Variants in COL21A1 observed in about 807,000 individuals in gnomAD.
COL21A1 encodes collagen alpha-1(XXI) chain.
In COL21A1, 149 loss-of-function variants were observed where a neutral mutation model predicts 137.9. That is an observed-to-expected ratio of 1.08 (90% CI 0.95 to 1.24). The LOEUF (loss-of-function observed/expected upper bound fraction) is 1.24. COL21A1 is among the 50% of genes most tolerant of loss of function. The pLI is 0.00. For missense variants in COL21A1, 1,167 were observed against 1,158.4 expected (o/e 1.01, Z -0.11); for synonymous variants, 456 against 391.5 (o/e 1.16, Z -1.95).
At chr6:56,061,300 C>G in intron 25 of COL21A1, 1 of 489,196 alleles carries the variant, frequency 2.0e-6, no homozygotes, top group Non-Finnish European at 3.6e-6. Flanking sequence ...ACGCATACTG[C>G]CAGAGATAAA....
chr6:56,300,269 G>A lies in COL21A1; in HGVS notation c.-39+93702C>T, dbSNP rs77882559. Among the ~76,000 whole-genome samples, 988 of 152,152 alleles carry A rather than the reference G, an allele frequency of 6.5e-3. 14 individuals carry two copies. Among genetic ancestry groups the A allele is most frequent in the African/African-American group, 0.023 (953 of 41,520 alleles). On this transcript the variant is annotated intron_variant, in intron 1 of 28. Coordinates refer to the COL21A1 transcript ENST00000370819. ...TAATCAGAGTAGAGGCTGGAAGTGG[G>A]GATAAGGAGTGGAGAGTGGAATTAG...
chr6:56,156,786 G>T, intron 10 of COL21A1, 101 bp downstream of exon 10: 3 of 954,874 alleles, frequency 3.1e-6, no homozygotes, highest in Non-Finnish European at 4.9e-6. Flanking sequence ...CAGCAGTCAT[G>T]AATAAAGCTT....
chr6:56,340,717 G>A (rs369866062), intron 1 of COL21A1, among the ~76,000 whole-genome samples: 4 of 152,050 alleles, frequency 2.6e-5, no homozygotes, highest in Non-Finnish European at 5.9e-5. Flanking sequence ...AATGAACGAC[G>A]TTTTCCAATA....
intron 1 of COL21A1, among the ~76,000 whole-genome samples, chr6:56,344,706 G>A (rs533111650): frequency 1.1e-4 from 17 of 150,774 alleles, no homozygotes; most frequent in Non-Finnish European, 2.4e-4. Context: ...AGGTGACTGG[G>A]TCATGGGGGC....
In COL21A1 at chr6:56,168,086, T is replaced by C. The variant is rs2152270498; in HGVS notation, c.1200+38A>G. On this transcript the variant is annotated intron_variant, in intron 6 of 29. Coordinates refer to ENST00000244728, the MANE Select transcript of COL21A1 (RefSeq NM_030820.4). ...ATTACAAAGGACAGCAAAAGTTTCA[T>C]TCTATATAATTCAAAGAGTAAATCA... is the stretch of plus-strand genomic sequence containing the variant. 3.0e-6 allele frequency: 4 copies of C among 1,330,154 alleles called. No homozygotes were observed. In the East Asian group the frequency reaches 7.7e-5, roughly 26 times the overall value. 82.4% of individuals were successfully genotyped at this position (1,330,154 alleles called of 1,614,324 possible). A position where few individuals can be genotyped will look rare whatever the true frequency, so the allele number is the denominator to read the frequency against.
chr6:56,238,860 T>C (rs1299524179), intron 1 of COL21A1, among the ~76,000 whole-genome samples: 1 of 152,198 alleles, frequency 6.6e-6, no homozygotes, highest in Non-Finnish European at 1.5e-5. Flanking sequence ...AAATTACTTA[T>C]GATAATAACT....
intron 1 of COL21A1, among the ~76,000 whole-genome samples, chr6:56,381,210 T>G (rs1207041093): frequency 2.0e-5 from 3 of 152,226 alleles, no homozygotes; most frequent in Non-Finnish European, 4.4e-5. Context: ...TTGCTTATTT[T>G]GGGGGCAAGA....
At chr6:56,096,153 T>TG (rs1210438431) in intron 17 of COL21A1, among the ~76,000 whole-genome samples, 2 of 151,076 alleles carry the variant, frequency 1.3e-5, no homozygotes, top group South Asian at 4.2e-4. Context: ...GGCCTGCATT[T>TG]TTTTTTTTTA....
At chr6:56,210,589 T>A (rs1780095044) in intron 1 of COL21A1, among the ~76,000 whole-genome samples, 1 of 152,278 alleles carries the variant, frequency 6.6e-6, no homozygotes, top group South Asian at 2.1e-4. Context: ...GTACTACATG[T>A]GAACCCACTG....
chr6:56,181,734 C>G (rs1482207256), intron 2 of COL21A1, among the ~76,000 whole-genome samples: 2 of 152,108 alleles, frequency 1.3e-5, no homozygotes, highest in East Asian at 3.8e-4. Context: ...AGGAATGGGA[C>G]TGAAGAGCAA....
chr6:56,252,353 G>A (rs1458663348), upstream of COL21A1, among the ~76,000 whole-genome samples: 2 of 152,166 alleles, frequency 1.3e-5, no homozygotes, highest in Non-Finnish European at 2.9e-5. Flanking sequence ...TGCATGTTAA[G>A]CTCCGTAACT....
intron 2 of COL21A1, among the ~76,000 whole-genome samples, chr6:56,181,374 A>T (rs1777875805): frequency 6.6e-6 from 1 of 151,752 alleles, no homozygotes; most frequent in Non-Finnish European, 1.5e-5. Context: ...TTAAAGGGTT[A>T]TGCTTTTATT....
intron 13 of COL21A1, 86 bp downstream of exon 13, chr6:56,126,010 T>G (rs997346295): frequency 1.1e-5 from 8 of 729,996 alleles, no homozygotes; most frequent in Non-Finnish European, 1.8e-5. Flanking sequence ...GAACATTTAT[T>G]TATAACATAT....
chr6:56,089,534 T>A (rs1205847284), intron 17 of COL21A1, among the ~76,000 whole-genome samples: 1 of 152,178 alleles, frequency 6.6e-6, no homozygotes, highest in Non-Finnish European at 1.5e-5. Context: ...TTTCACTATA[T>A]GTATTGAAAA....
At chr6:56,248,315 T>G (rs559734855), upstream of COL21A1, among the ~76,000 whole-genome samples, 48 of 152,238 alleles carry the variant, frequency 3.2e-4, no homozygotes, top group Non-Finnish European at 5.1e-4. Context: ...TCATCTCACT[T>G]GGCATTTCTT....
intron 12 of COL21A1, among the ~76,000 whole-genome samples, chr6:56,136,081 GTTAA>G (rs1561904880): frequency 6.6e-6 from 1 of 152,038 alleles, no homozygotes; most frequent in African/African-American, 2.4e-5. Flanking sequence ...ATTTGCTCTA[GTTAA>G]TTAAACATGA....
intron 1 of COL21A1, among the ~76,000 whole-genome samples, chr6:56,274,052 T>G (rs1009536153): frequency 1.3e-5 from 2 of 152,136 alleles, no homozygotes; most frequent in African/African-American, 2.4e-5. Flanking sequence ...TAGGCTTTAT[T>G]CTTGGGATGC....
At chr6:56,248,516 A>C (rs1439467498), upstream of COL21A1, among the ~76,000 whole-genome samples, 2 of 152,164 alleles carry the variant, frequency 1.3e-5, no homozygotes, top group Non-Finnish European at 2.9e-5. Context: ...TCATATCTTC[A>C]TTGCTTGTGT....
Position 56,207,935 on chromosome 6 carries a change from A to T in COL21A1, c.-38-25279T>A, listed in dbSNP as rs531804334. Among the ~76,000 whole-genome samples, 72 of 152,272 alleles carry T rather than the reference A, an allele frequency of 4.7e-4. 3 individuals carry two copies. The South Asian group carries it at 0.014, about 30-fold the overall frequency. Reference sequence around the variant, plus strand: ...GTAAACAGCACCAATGACAAAAATCATGATTATCTCAATAGATGCAGAAAA... The same window carrying T: ...GTAAACAGCACCAATGACAAAAATCTTGATTATCTCAATAGATGCAGAAAA... On this transcript the variant is annotated intron_variant, in intron 1 of 29. Coordinates refer to ENST00000244728, the MANE Select transcript of COL21A1 (RefSeq NM_030820.4).
Sources: allele counts gnomAD v4.1 joint callset (sites outside exome capture counted in the v4.1 genomes callset), GRCh38; gene constraint gnomAD v4.1.1; transcripts MANE v1.5; gene names NCBI Gene and HGNC (gene_info 2026-07-23, HGNC 2026-07-21).